Variants in SNX7 observed in about 807,000 individuals in gnomAD.
The protein encoded by SNX7 is sorting nexin 7.
In SNX7, 35 loss-of-function variants were observed where a neutral mutation model predicts 48.4. The ratio of observed to expected loss-of-function variants is 0.72; its 90% CI spans 0.55 to 0.96. SNX7 has a LOEUF of 0.96. Among genes scored for constraint, SNX7 ranks in the 40% least tolerant of loss-of-function variants. The pLI is 0.00. For synonymous variants in SNX7, 190 were observed against 190.2 expected (o/e 1.00, Z 0.01); for missense variants, 553 against 548.9 (o/e 1.01, Z -0.07).
intron 8 of SNX7, among the ~76,000 whole-genome samples, chr1:98,747,379 T>C (rs1290845468): frequency 6.6e-6 from 1 of 152,160 alleles, no homozygotes; most frequent in Non-Finnish European, 1.5e-5. Flanking sequence ...GAATCTTCGA[T>C]AGCAATTAGA....
intron 8 of SNX7, among the ~76,000 whole-genome samples, chr1:98,742,089 C>T (rs527503027): frequency 6.6e-6 from 1 of 152,044 alleles, no homozygotes; most frequent in East Asian, 1.9e-4. Flanking sequence ...AACCATTTAC[C>T]CAGTCCAGTG....
chr1:98,755,384 G>T (rs1654791747), intron 8 of SNX7, among the ~76,000 whole-genome samples: 1 of 152,008 alleles, frequency 6.6e-6, no homozygotes, highest in Middle Eastern at 3.4e-3. Flanking sequence ...TCTTGAGAGG[G>T]GTATCAAAAT....
chr1:98,670,788 G>A (rs1462821760), intron 1 of SNX7, among the ~76,000 whole-genome samples: 1 of 152,016 alleles, frequency 6.6e-6, no homozygotes, highest in Non-Finnish European at 1.5e-5. Context: ...AAAGGGGATT[G>A]GATGTTGTAT....
At chr1:98,681,263 C>T (rs929881477) in intron 1 of SNX7, among the ~76,000 whole-genome samples, 5 of 152,150 alleles carry the variant, frequency 3.3e-5, no homozygotes, top group Non-Finnish European at 1.5e-5. Flanking sequence ...ATTCAATTAT[C>T]TCCCACCAGT....
rs139669218 is a variant in SNX7, at chr1:98,716,149, G to A, written c.1125+14246G>A. ...CCCTGTATATAACCAATCCTGTATA[G>A]CCCAAGTCATCTTTCCTAAGTTGGT... On this transcript the variant is annotated intron_variant, in intron 7 of 8. Coordinates refer to ENST00000306121, the MANE Select transcript of SNX7 (RefSeq NM_015976.5). Among the ~76,000 whole-genome samples the A allele has an allele frequency of 3.6e-3, 548 of 152,018 alleles. 4 individuals carry two copies. Among genetic ancestry groups the A allele is most frequent in the African/African-American group, 0.012 (510 of 41,468 alleles).
Position 98,661,887 on chromosome 1 carries a change from G to C in SNX7, c.156G>C (p.Glu52Asp). The part of the protein sequence containing the change: ...QAEVLDLDED[E>D]DDLEVFSKDA... ...AGGTGCTGGATCTGGACGAGGACGAGGACGACCTGGAGGTGTTCAGCAAGG... is the reference window on the plus strand; with the variant it reads ...AGGTGCTGGATCTGGACGAGGACGACGACGACCTGGAGGTGTTCAGCAAGG... The change falls in exon 1 of 9, where the codon GAG becomes GAC. Residue 52 changes from glutamate (E) to aspartate (D), a missense_variant. By Grantham distance (45) the Glu-to-Asp change is conservative. Coordinates refer to ENST00000306121, the MANE Select transcript of SNX7 (RefSeq NM_015976.5). 1 of 1,247,358 alleles carries C rather than the reference G, an allele frequency of 8.0e-7. No individual in the cohort carries two copies. The highest frequency in any genetic ancestry group is 1.0e-6 in the Non-Finnish European group (1 of 987,462). The allele number at this position is 1,247,358 out of a possible 1,614,324, so 77.3% of individuals were successfully genotyped here. A position where few individuals can be genotyped will look rare whatever the true frequency, so the allele number is the denominator to read the frequency against.
chr1:98,736,844 A>G lies in SNX7; in HGVS notation c.1126-1393A>G, dbSNP rs550030617. Among the ~76,000 whole-genome samples, 24 of 152,326 alleles carry G rather than the reference A, an allele frequency of 1.6e-4. No homozygotes were observed. The South Asian group carries it at 4.3e-3, about 28-fold the overall frequency. On this transcript the variant is annotated intron_variant, in intron 7 of 8. Transcript: ENST00000306121. ...TTCTAAGACATTTTTACATTTTAGC[A>G]TCTTGAAATGGGAATTCTTTTTAAA...
intron 4 of SNX7, among the ~76,000 whole-genome samples, chr1:98,692,291 A>C (rs1651183172): frequency 6.6e-6 from 1 of 152,138 alleles, no homozygotes; most frequent in South Asian, 2.1e-4. Context: ...CCTAAGGAAG[A>C]CAAAATATAC....
intron 1 of SNX7, among the ~76,000 whole-genome samples, chr1:98,666,782 T>C (rs1649560135): frequency 6.6e-6 from 1 of 152,100 alleles, no homozygotes; most frequent in Non-Finnish European, 1.5e-5. Context: ...GGCTAGATCA[T>C]GAAAGGGAAT....
At chr1:98,686,996 A>G (rs1557797001) in intron 2 of SNX7, among the ~76,000 whole-genome samples, 1 of 152,158 alleles carries the variant, frequency 6.6e-6, no homozygotes, top group Non-Finnish European at 1.5e-5. Context: ...CTATTTACAC[A>G]TACTTTAAAT....
chr1:98,705,886 A>G (rs1441996112), intron 7 of SNX7, among the ~76,000 whole-genome samples: 1 of 152,182 alleles, frequency 6.6e-6, no homozygotes, highest in Non-Finnish European at 1.5e-5. Context: ...AGACGTAGGC[A>G]GAGGGTAGAA....
At chr1:98,749,267 T>A (rs1457675216) in intron 8 of SNX7, among the ~76,000 whole-genome samples, 1 of 152,142 alleles carries the variant, frequency 6.6e-6, no homozygotes, top group Non-Finnish European at 1.5e-5. Context: ...TAGGGCTCCA[T>A]CTGTCTTTAT....
intron 4 of SNX7, among the ~76,000 whole-genome samples, chr1:98,692,864 T>A (rs1651221566): frequency 2.0e-5 from 3 of 152,232 alleles, no homozygotes; most frequent in Non-Finnish European, 4.4e-5. Context: ...TAACTTTTTA[T>A]AATAGATTTA....
chr1:98,739,484 G>A (rs2101036788), intron 8 of SNX7, among the ~76,000 whole-genome samples: 1 of 152,256 alleles, frequency 6.6e-6, no homozygotes, highest in South Asian at 2.1e-4. Context: ...CATTGTGCCT[G>A]GCCCTGGAGA....
intron 8 of SNX7, among the ~76,000 whole-genome samples, chr1:98,752,758 T>G (rs1654649686): frequency 6.6e-6 from 1 of 152,066 alleles, no homozygotes; most frequent in Admixed American, 6.6e-5. Flanking sequence ...AAAGTATAGA[T>G]CTGTTCCTAG....
At chr1:98,720,899 C>A (rs956705576) in intron 7 of SNX7, among the ~76,000 whole-genome samples, 1 of 152,076 alleles carries the variant, frequency 6.6e-6, no homozygotes, top group Admixed American at 6.6e-5. Flanking sequence ...GGGATTCAGA[C>A]AGAAAAGAGA....
chr1:98,712,304 A>T lies in SNX7; in HGVS notation c.1125+10401A>T, dbSNP rs370429811. 2.0e-5 allele frequency among the ~76,000 whole-genome samples: 3 copies of T among 152,164 alleles called. No homozygotes were observed. The East Asian group carries it at 5.8e-4, about 29-fold the overall frequency. On this transcript the variant is annotated intron_variant, in intron 7 of 8. Coordinates refer to ENST00000306121, the MANE Select transcript of SNX7 (RefSeq NM_015976.5). ...TACTCAGTTCCATCAAGGGAATCAC[A>T]ATCTATGGCAGCTACAGCCTGACAA...
intron 2 of SNX7, among the ~76,000 whole-genome samples, chr1:98,685,475 A>G (rs1469982522): frequency 1.3e-5 from 2 of 152,130 alleles, no homozygotes; most frequent in African/African-American, 4.8e-5. Flanking sequence ...TTGTTTTTCA[A>G]AGTGGGACAG....
At chr1:98,737,875 A>G (rs1653873146) in intron 7 of SNX7, among the ~76,000 whole-genome samples, 1 of 152,166 alleles carries the variant, frequency 6.6e-6, no homozygotes, top group Non-Finnish European at 1.5e-5. Context: ...TAATATAAAT[A>G]TTATCACCAG....
Sources: gnomAD v4.1 joint callset for allele counts (sites outside exome capture counted in the v4.1 genomes callset) on GRCh38, gnomAD v4.1.1 for gene constraint, MANE v1.5 for transcripts, NCBI Gene and HGNC (gene_info 2026-07-23, HGNC 2026-07-21) for gene names.